Variants in PLXNC1 observed in about 807,000 individuals in gnomAD.
The protein encoded by PLXNC1 is plexin C1.
In PLXNC1, 75 loss-of-function variants were observed where a neutral mutation model predicts 178.2. The observed-to-expected ratio is 0.42, with a 90% confidence interval of 0.35 to 0.51. PLXNC1 has a LOEUF of 0.51. Ranked by LOEUF, PLXNC1 falls within the 20% of genes least tolerant of loss-of-function variation. PLXNC1 has a pLI of 0.02. For missense variants in PLXNC1, 1,503 were observed against 1,984.4 expected, an observed-to-expected ratio of 0.76 and a Z score of 4.61; for synonymous variants, 790 against 779.9, an observed-to-expected ratio of 1.01 and a Z score of -0.22.
At chr12:94,297,137 T>G in intron 24 of PLXNC1, 52 bp from the exon 25 acceptor site, 4 of 1,582,108 alleles carry the variant, frequency 2.5e-6, no homozygotes, top group African/African-American at 1.3e-5. Context: ...GATTAGCCCA[T>G]GGTTGCTTTT....
At chr12:94,177,380 A>C (rs1439821001) in intron 2 of PLXNC1, among the ~76,000 whole-genome samples, 1 of 151,208 alleles carries the variant, frequency 6.6e-6, no homozygotes, top group East Asian at 1.9e-4. Context: ...TAAACCCAGC[A>C]TCTATGGCTA....
intron 4 of PLXNC1, among the ~76,000 whole-genome samples, chr12:94,201,397 A>T (rs1963111495): frequency 6.6e-6 from 1 of 152,086 alleles, no homozygotes; most frequent in African/African-American, 2.4e-5. Flanking sequence ...TATGTCATCC[A>T]TTTTTTTGCC....
chr12:94,173,438 G>A (rs913861022), intron 2 of PLXNC1, among the ~76,000 whole-genome samples: 2 of 152,202 alleles, frequency 1.3e-5, no homozygotes, highest in East Asian at 3.8e-4. Context: ...AAGCATAAAA[G>A]ATAAGAAGGC....
At chr12:94,238,670 C>T (rs542481810) in intron 10 of PLXNC1, among the ~76,000 whole-genome samples, 6 of 152,278 alleles carry the variant, frequency 3.9e-5, no homozygotes, top group African/African-American at 1.2e-4. Context: ...TCTGCTGAAG[C>T]GTGATGTTTT....
chr12:94,207,182 G>T (rs1256167455), intron 4 of PLXNC1, among the ~76,000 whole-genome samples: 1 of 152,058 alleles, frequency 6.6e-6, no homozygotes, highest in East Asian at 1.9e-4. Flanking sequence ...TTTTTTATTT[G>T]TACTGGTGAG....
intron 15 of PLXNC1, among the ~76,000 whole-genome samples, chr12:94,252,777 T>C (rs1964732678): frequency 6.6e-6 from 1 of 152,204 alleles, no homozygotes; most frequent in Admixed American, 6.5e-5. Flanking sequence ...CCACTCCATA[T>C]TGTCTCCACC....
chr12:94,217,110 A>C (rs966537353), intron 5 of PLXNC1, among the ~76,000 whole-genome samples: 2 of 152,126 alleles, frequency 1.3e-5, no homozygotes, highest in Non-Finnish European at 2.9e-5. Flanking sequence ...GTTCCCCTGA[A>C]CCTGTTCTTG....
At chr12:94,158,927 C>A (rs1266912513) in intron 1 of PLXNC1, among the ~76,000 whole-genome samples, 1 of 152,146 alleles carries the variant, frequency 6.6e-6, no homozygotes, top group Non-Finnish European at 1.5e-5. Context: ...ACTTCTAGAG[C>A]AGGGTGTGAA....
Position 94,248,055 on chromosome 12 carries a change from G to A in PLXNC1, c.2541G>A (p.Thr847=), listed in dbSNP as rs114859296. The A allele has an allele frequency of 1.7e-5, 27 of 1,614,104 alleles. No individual in the cohort carries two copies. The highest frequency in any genetic ancestry group is 6.7e-5 in the African/African-American group (5 of 75,028). Residue 847 remains threonine (T), a synonymous_variant, in exon 13 of 31, where the codon ACG becomes ACA. Transcript: ENST00000258526. ...AGTATCGGGAGGACCCCAGATTCAC[G>A]GGGTATCGGGTGGAATCCGAGGTGG... is the stretch of plus-strand genomic sequence containing the variant. ...TLQYREDPRF[T]GYRVESEVDT...
At chr12:94,236,603 C>T (rs1201963365) in intron 9 of PLXNC1, among the ~76,000 whole-genome samples, 1 of 152,120 alleles carries the variant, frequency 6.6e-6, no homozygotes, top group Non-Finnish European at 1.5e-5. Flanking sequence ...ACTTTGGGGT[C>T]ATTTTCAAAT....
rs947430127 is a variant in PLXNC1, at chr12:94,275,628, C to T, written c.3598-3844C>T. ...CAGCACTTTGGGAGGCCGAGGCGGGCGGATCACGAGGTCAGGAGATCGAGA... is the reference window on the plus strand; with the variant it reads ...CAGCACTTTGGGAGGCCGAGGCGGGTGGATCACGAGGTCAGGAGATCGAGA... On this transcript the variant is annotated intron_variant, in intron 21 of 30. Coordinates refer to ENST00000258526, the MANE Select transcript of PLXNC1 (RefSeq NM_005761.3). Among the ~76,000 whole-genome samples, 30 of 86,312 alleles carry T rather than the reference C, an allele frequency of 3.5e-4. 3 individuals carry two copies. Among genetic ancestry groups the T allele is most frequent in the Non-Finnish European group, 6.3e-4 (27 of 42,604 alleles). The allele number at this position is 86,312 out of a possible 152,430, so 56.6% of individuals were successfully genotyped here.
At chr12:94,273,841 C>G (rs1965736702) in intron 21 of PLXNC1, among the ~76,000 whole-genome samples, 1 of 152,068 alleles carries the variant, frequency 6.6e-6, no homozygotes, top group African/African-American at 2.4e-5. Context: ...CTAAGGATGC[C>G]TGAAATAGTA....
At chr12:94,292,616 A>G (rs1300100071) in intron 23 of PLXNC1, among the ~76,000 whole-genome samples, 2 of 152,250 alleles carry the variant, frequency 1.3e-5, no homozygotes, top group East Asian at 3.8e-4. Context: ...TTGCATACAC[A>G]TAATGAAATA....
chr12:94,291,765 G>A (rs750781464), intron 23 of PLXNC1, among the ~76,000 whole-genome samples: 12 of 152,102 alleles, frequency 7.9e-5, no homozygotes, highest in Admixed American at 2.0e-4. Context: ...TGGACATTTC[G>A]TATATTCTTT....
rs1965165370 is a variant in PLXNC1, at chr12:94,265,118, C to A, written c.3490C>A (p.Leu1164Met). 1 of 1,614,032 alleles carries A rather than the reference C, an allele frequency of 6.2e-7. No individual in the cohort carries two copies. Among genetic ancestry groups the A allele is most frequent in the African/African-American group, 1.3e-5 (1 of 74,916 alleles). Residue 1164 changes from leucine (L) to methionine (M), a missense_variant, in exon 21 of 31, where the codon CTG becomes ATG. By Grantham distance (15) the Leu-to-Met change is conservative. This residue lies in a region of PLXNC1 where 639 missense variants were observed against 979.7 expected (regional missense o/e 0.65). Coordinates refer to ENST00000258526, the MANE Select transcript of PLXNC1 (RefSeq NM_005761.3). ...GCCCTTCTATTTGCTGGTGACGACT[C>A]TGAACCAGAAAATTAACAAGGGTCC... is the stretch of plus-strand genomic sequence containing the variant. ...GEPFYLLVTT[L>M]NQKINKGPVD...
chr12:94,270,612 G>A (rs1592850071), intron 21 of PLXNC1, among the ~76,000 whole-genome samples: 1 of 127,364 alleles, frequency 7.9e-6, no homozygotes, highest in East Asian at 2.6e-4. Flanking sequence ...CCCTGCACCC[G>A]CAAATACTGT....
At chr12:94,300,843 G>A (rs1968395080) in intron 27 of PLXNC1, 67 bp from the exon 28 acceptor site, 2 of 1,484,524 alleles carry the variant, frequency 1.3e-6, no homozygotes, top group Admixed American at 1.8e-5. Flanking sequence ...TTTACAAACT[G>A]TGATAAACAG....
At chr12:94,153,885 C>T (rs777078564) in intron 1 of PLXNC1, among the ~76,000 whole-genome samples, 1 of 152,334 alleles carries the variant, frequency 6.6e-6, no homozygotes. Flanking sequence ...AAGTGACATC[C>T]CAGTTCCACT....
At chr12:94,222,260 C>G (rs1169187131) in intron 6 of PLXNC1, among the ~76,000 whole-genome samples, 1 of 152,230 alleles carries the variant, frequency 6.6e-6, no homozygotes, top group Non-Finnish European at 1.5e-5. Flanking sequence ...GCACCCAACC[C>G]TTCACCTGCC....
Sources: gnomAD v4.1 joint callset for allele counts (sites outside exome capture counted in the v4.1 genomes callset) on GRCh38, gnomAD v4.1.1 for gene constraint, gnomAD v4.1.1 regional missense constraint, MANE v1.5 for transcripts, NCBI Gene and HGNC (gene_info 2026-07-23, HGNC 2026-07-21) for gene names.